AVEN: variants seen among roughly 807,000 people sequenced by gnomAD.
AVEN encodes the protein apoptosis and caspase activation inhibitor.
A neutral mutation model predicts 38.1 loss-of-function variants in AVEN; 41 were observed. The observed-to-expected ratio is 1.08, with a 90% CI of 0.84 to 1.40. The LOEUF (loss-of-function observed/expected upper bound fraction) is 1.40. AVEN is among the 40% of genes most tolerant of loss of function. AVEN has a pLI of 0.00. For missense variants in AVEN, 605 were observed against 438.8 expected (o/e 1.38, Z -3.38); for synonymous variants, 206 against 171.8 (o/e 1.20, Z -1.56).
At chr15:33,862,186 T>TTC (rs60669727), downstream of AVEN, among the ~76,000 whole-genome samples, 1 of 152,196 alleles carries the variant, frequency 6.6e-6, no homozygotes, top group African/African-American at 2.4e-5. Context: ...CTCTTCCCCC[T>TTC]TCTCTCTCTA....
chr15:34,031,486 A>G (rs1313204914), intron 1 of AVEN, among the ~76,000 whole-genome samples: 3 of 152,144 alleles, frequency 2.0e-5, no homozygotes, highest in Non-Finnish European at 4.4e-5. Flanking sequence ...GCTTAGGTTA[A>G]TATTAAAATG....
chr15:33,914,093 G>C (rs768863043), intron 2 of AVEN, among the ~76,000 whole-genome samples: 4 of 152,094 alleles, frequency 2.6e-5, no homozygotes, highest in African/African-American at 4.8e-5. Context: ...ACCCATAGAA[G>C]GTGCTTACAT....
upstream of AVEN, among the ~76,000 whole-genome samples, chr15:34,043,467 T>G (rs1183535679): frequency 1.3e-5 from 2 of 152,160 alleles, no homozygotes; most frequent in South Asian, 2.1e-4. Context: ...GGAAAACACA[T>G]AAGTTTCTCA....
intron 2 of AVEN, among the ~76,000 whole-genome samples, chr15:33,934,433 AG>A (rs1485158709): frequency 6.6e-6 from 1 of 152,242 alleles, no homozygotes; most frequent in Admixed American, 6.5e-5. Context: ...AGAATTTGCA[AG>A]GGAGGAGGGG....
At chr15:33,958,194 A>G (rs1597273831) in intron 2 of AVEN, among the ~76,000 whole-genome samples, 1 of 152,314 alleles carries the variant, frequency 6.6e-6, no homozygotes, top group East Asian at 1.9e-4. Flanking sequence ...GAACTTTTCA[A>G]AATATTATCT....
chr15:33,991,556 T>C (rs957448254), intron 2 of AVEN: 1 of 150,742 alleles, frequency 6.6e-6, no homozygotes, highest in South Asian at 2.1e-4. Flanking sequence ...AATGTCTAGA[T>C]TGAATGTTTG....
chr15:33,861,273 CAG>C (rs1888096389), downstream of AVEN: 2 of 872,228 alleles, frequency 2.3e-6, no homozygotes, highest in Admixed American at 4.3e-5. Flanking sequence ...AAAGAGTAAC[CAG>C]AAAGGAACTT....
chr15:33,990,821 A>C (rs1335652105), intron 2 of AVEN: 1 of 152,258 alleles, frequency 6.6e-6, no homozygotes, highest in African/African-American at 2.4e-5. Flanking sequence ...AATTGGATGA[A>C]AGCTGGATAC....
chr15:34,034,332 T>A (rs1382852153), intron 1 of AVEN, among the ~76,000 whole-genome samples: 1 of 151,716 alleles, frequency 6.6e-6, no homozygotes, highest in African/African-American at 2.4e-5. Flanking sequence ...TCCCACCTAC[T>A]CAGGAGGCTG....
downstream of AVEN, among the ~76,000 whole-genome samples, chr15:33,862,314 G>A (rs1055707743): frequency 1.3e-5 from 2 of 152,044 alleles, no homozygotes; most frequent in South Asian, 4.1e-4. Flanking sequence ...CCAGGCTCAA[G>A]ACATCCGCCT....
chr15:33,867,384 C>A (rs1411486349), intron 5 of AVEN, 111 bp downstream of exon 5: 6 of 1,420,160 alleles, frequency 4.2e-6, no homozygotes, highest in Middle Eastern at 2.5e-4. Flanking sequence ...GTGGACAACA[C>A]TGGATCAATG....
intron 2 of AVEN, among the ~76,000 whole-genome samples, chr15:33,936,098 T>A (rs1183269738): frequency 6.6e-6 from 1 of 151,662 alleles, no homozygotes; most frequent in African/African-American, 2.4e-5. Context: ...CAGCAAACAT[T>A]ACATATCATG....
At chr15:33,865,287 T>G, downstream of AVEN, 1 of 1,192,490 alleles carries the variant, frequency 8.4e-7, no homozygotes, top group Non-Finnish European at 1.2e-6. Context: ...TAAAGTCCCC[T>G]TTTTACAGTT....
At chr15:33,875,887 G>A (rs1464928247) in intron 3 of AVEN, 38 bp downstream of exon 3, 3 of 1,567,228 alleles carry the variant, frequency 1.9e-6, no homozygotes, top group African/African-American at 1.4e-5. Context: ...CAGCCTTGAA[G>A]AAGAGCCAGT....
chr15:34,037,311 T>G (rs918648410), intron 1 of AVEN, among the ~76,000 whole-genome samples: 4 of 152,018 alleles, frequency 2.6e-5, no homozygotes, highest in Non-Finnish European at 5.9e-5. Context: ...AAGGAATATC[T>G]ACTTTGTTCT....
intron 1 of AVEN, among the ~76,000 whole-genome samples, chr15:34,010,855 T>C (rs191082709): frequency 6.6e-6 from 1 of 152,366 alleles, no homozygotes; most frequent in Admixed American, 6.5e-5. Flanking sequence ...TAATAGTTAA[T>C]TGCCAACTTT....
intron 2 of AVEN, among the ~76,000 whole-genome samples, chr15:33,901,877 TCTAACAGTTC>T (rs1892509567): frequency 3.3e-5 from 1 of 30,536 alleles, no homozygotes; most frequent in African/African-American, 4.3e-5. Context: ...GCCACTGAGT[TCTAACAGTTC>T]TTAAAATTTC....
intron 2 of AVEN, among the ~76,000 whole-genome samples, chr15:33,941,152 G>A (rs931114513): frequency 6.6e-6 from 1 of 152,214 alleles, no homozygotes; most frequent in South Asian, 2.1e-4. Context: ...CTCAACCCAT[G>A]TGACTGTTAA....
chr15:33,872,608 T>C (rs973146046), intron 3 of AVEN, among the ~76,000 whole-genome samples: 4 of 151,980 alleles, frequency 2.6e-5, no homozygotes, highest in African/African-American at 9.7e-5. Context: ...CGGCCGCATA[T>C]CACTCAGCAG....
Sources: gnomAD v4.1 joint callset for allele counts (sites outside exome capture counted in the v4.1 genomes callset) on GRCh38, gnomAD v4.1.1 for gene constraint, MANE v1.5 for transcripts, NCBI Gene and HGNC (gene_info 2026-07-23, HGNC 2026-07-21) for gene names.